The following OPN5 variants were observed in gnomAD, a reference collection of about 807,000 sequenced individuals.
OPN5 encodes the protein opsin-5.
A neutral mutation model predicts 41.7 loss-of-function variants in OPN5; 18 were observed. That is an observed-to-expected ratio of 0.43 (90% confidence interval 0.30 to 0.64). The LOEUF is 0.64. Ranked by LOEUF, OPN5 falls within the 30% of genes least tolerant of loss-of-function variation. The pLI is 0.13. For missense variants in OPN5, 318 were observed against 434.5 expected, an observed-to-expected ratio of 0.73 and a Z score of 2.38; for synonymous variants, 178 against 164.3, an observed-to-expected ratio of 1.08 and a Z score of -0.64.
intron 4 of OPN5, among the ~76,000 whole-genome samples, chr6:47,803,144 A>T (rs537206719): frequency 6.6e-6 from 1 of 152,126 alleles, no homozygotes; most frequent in African/African-American, 2.4e-5. Flanking sequence ...TTCCAACTAG[A>T]CACACTCAAA....
chr6:47,825,261 G>A (rs1018447368), downstream of OPN5: 1 of 152,162 alleles, frequency 6.6e-6, no homozygotes, highest in African/African-American at 2.4e-5. Context: ...TGAAAGACAC[G>A]ATGCAAATAT....
intron 2 of OPN5, among the ~76,000 whole-genome samples, chr6:47,789,693 G>A (rs370580611): frequency 6.6e-6 from 1 of 152,156 alleles, no homozygotes; most frequent in Non-Finnish European, 1.5e-5. Flanking sequence ...ATTGCAGAAG[G>A]CATTCAGTGA....
chr6:47,822,766 A>C (rs1382862634), intron 6 of OPN5, among the ~76,000 whole-genome samples: 1 of 152,230 alleles, frequency 6.6e-6, no homozygotes, highest in Non-Finnish European at 1.5e-5. Context: ...TTTGTTCATG[A>C]ATTAACATCA....
intron 6 of OPN5, among the ~76,000 whole-genome samples, chr6:47,816,197 C>G (rs548822186): frequency 6.6e-6 from 1 of 152,106 alleles, no homozygotes; most frequent in Non-Finnish European, 1.5e-5. Flanking sequence ...TTGGAAGATA[C>G]AAAAGATGGG....
intron 4 of OPN5, among the ~76,000 whole-genome samples, chr6:47,806,578 C>T (rs1773974484): frequency 6.6e-6 from 1 of 152,084 alleles, no homozygotes; most frequent in African/African-American, 2.4e-5. Flanking sequence ...TTTTTCTACG[C>T]CATTTTACTC....
In OPN5 at chr6:47,795,213, T is replaced by C. The variant is rs186218837; in HGVS notation, c.422-16T>C. The C allele has an allele frequency of 7.9e-4, 1,234 of 1,561,576 alleles. 9 individuals are homozygous for C. The African/African-American group carries it at 0.014, about 17-fold the overall frequency. ...GGGCAGATTACATCCGGGTAATGCT[T>C]TTCTTCCGCCTCCAGGGGTTTGGCT... On this transcript the variant is annotated splice_polypyrimidine_tract_variant and intron_variant, in intron 3 of 6. Coordinates refer to ENST00000371211, the Ensembl canonical transcript of OPN5.
At chr6:47,789,998 A>C (rs1192169527) in intron 2 of OPN5, among the ~76,000 whole-genome samples, 1 of 152,124 alleles carries the variant, frequency 6.6e-6, no homozygotes, top group Non-Finnish European at 1.5e-5. Flanking sequence ...AGTGAAAAAA[A>C]AAATTCTAAT....
intron 1 of OPN5, among the ~76,000 whole-genome samples, chr6:47,783,799 C>T (rs1773134422): frequency 6.6e-6 from 1 of 152,152 alleles, no homozygotes; most frequent in Admixed American, 6.5e-5. Flanking sequence ...TAAGTACTTT[C>T]AATTAACAGA....
intron 3 of OPN5, among the ~76,000 whole-genome samples, chr6:47,794,501 G>A (rs963071951): frequency 6.6e-6 from 1 of 152,080 alleles, no homozygotes; most frequent in African/African-American, 2.4e-5. Context: ...TATTTCCTCC[G>A]CTTGGAATTC....
intron 6 of OPN5, among the ~76,000 whole-genome samples, chr6:47,820,133 T>TAGAGAGAGAGAG (rs5876036): frequency 6.7e-6 from 1 of 149,384 alleles, no homozygotes; most frequent in Non-Finnish European, 1.5e-5. Flanking sequence ...TCCTTTTGAA[T>TAGAGAGAGAGAG]AGAGAGAGAG....
intron 5 of OPN5, among the ~76,000 whole-genome samples, chr6:47,809,149 C>T: frequency 6.6e-6 from 1 of 152,130 alleles, no homozygotes; most frequent in Admixed American, 6.6e-5. Context: ...TATTGGTGGT[C>T]TTCTGTGTCC....
chr6:47,793,062 T>A (rs1399455457), intron 3 of OPN5, among the ~76,000 whole-genome samples: 1 of 151,978 alleles, frequency 6.6e-6, no homozygotes, highest in African/African-American at 2.4e-5. Context: ...GAATCAAAAT[T>A]TCCAGTAAGA....
exon 7 of OPN5, chr6:47,824,153 C>A: frequency 1.6e-6 from 1 of 633,734 alleles, no homozygotes; most frequent in Non-Finnish European, 2.8e-6. Flanking sequence ...CAATGATGCA[C>A]CCTAGGAGTA....
At chr6:47,801,402 A>G (rs1298274439) in intron 4 of OPN5, among the ~76,000 whole-genome samples, 1 of 152,180 alleles carries the variant, frequency 6.6e-6, no homozygotes, top group African/African-American at 2.4e-5. Flanking sequence ...AAATCTTTCT[A>G]AAACTCTTAA....
At chr6:47,814,376 G>T (rs1236530459) in intron 6 of OPN5, among the ~76,000 whole-genome samples, 4 of 152,042 alleles carry the variant, frequency 2.6e-5, no homozygotes, top group African/African-American at 9.7e-5. Flanking sequence ...ACTAGAATAT[G>T]GTCTTTAACA....
chr6:47,817,477 C>G (rs1209527676), intron 6 of OPN5, among the ~76,000 whole-genome samples: 1 of 151,952 alleles, frequency 6.6e-6, no homozygotes, highest in Non-Finnish European at 1.5e-5. Flanking sequence ...TCGTTAATGT[C>G]TGTGTATGAT....
At chr6:47,795,674 C>T (rs118050887) in intron 4 of OPN5, 111 bp downstream of exon 4, 18 of 726,948 alleles carry the variant, frequency 2.5e-5, no homozygotes, top group East Asian at 5.4e-5. Flanking sequence ...CTATTCTTTA[C>T]GTAATTCTGA....
exon 1 of OPN5, chr6:47,782,119 T>G: frequency 6.2e-7 from 1 of 1,612,480 alleles, no homozygotes. Flanking sequence ...CCCCATTACC[T>G]TCGAGATGGG....
chr6:47,804,774 C>A (rs913768672), intron 4 of OPN5, among the ~76,000 whole-genome samples: 1 of 152,122 alleles, frequency 6.6e-6, no homozygotes, highest in Admixed American at 6.5e-5. Flanking sequence ...CCCAGAAAAA[C>A]CACAGTGATT....
Sources: gnomAD v4.1 joint callset for allele counts (sites outside exome capture counted in the v4.1 genomes callset) on GRCh38, gnomAD v4.1.1 for gene constraint, MANE v1.5 for transcripts, NCBI Gene and HGNC (gene_info 2026-07-23, HGNC 2026-07-21) for gene names.